UPRT: variants seen among roughly 807,000 people sequenced by gnomAD.
UPRT encodes uracil phosphoribosyltransferase homolog, also known as RP11-311P8.3.
UPRT carries 5 observed loss-of-function variants against 22.6 expected under a neutral mutation model. That is an observed-to-expected ratio of 0.22 (90% CI 0.12 to 0.47). UPRT has a LOEUF of 0.47. Among genes scored for constraint, UPRT ranks in the 20% least tolerant of loss-of-function variants. UPRT has a pLI of 0.99. For missense variants in UPRT, 181 were observed against 239.9 expected, an observed-to-expected ratio of 0.75 and a Z score of 1.62; for synonymous variants, 77 against 87.7, an observed-to-expected ratio of 0.88 and a Z score of 0.68.
In UPRT at chrX:75,203,502, ACACACACACACACT is replaced by A. The variant is rs1305359677; in HGVS notation, c.-447+35637_-447+35650del. Among the ~76,000 whole-genome samples, 397 of 102,977 alleles carry A rather than the reference ACACACACACACACT, an allele frequency of 3.9e-3. 4 individuals carry two copies. The highest frequency in any genetic ancestry group is 0.015 in the African/African-American group (378 of 25,066). 89.4% of individuals were successfully genotyped at this position (102,977 alleles called of 115,157 possible). A position where few individuals can be genotyped will look rare whatever the true frequency, so the allele number is the denominator to read the frequency against. On this transcript the variant is annotated intron_variant, in intron 4 of 13. Transcript: ENST00000652605. The stretch of plus-strand genomic sequence containing the variant: ...TAAAGACACACACACACACACACAC[ACACACACACACACT>A]CACACACACACACACACACACACAC...
At chrX:75,189,605 G>T (rs890701930) in intron 4 of UPRT, among the ~76,000 whole-genome samples, 5 of 111,643 alleles carry the variant, frequency 4.5e-5, no homozygotes, top group Non-Finnish European at 9.4e-5. Flanking sequence ...CGTTATTATT[G>T]TGTGGGAATC....
At chrX:75,244,302 G>T (rs2082497147) in intron 4 of UPRT, among the ~76,000 whole-genome samples, 1 of 111,736 alleles carries the variant, frequency 8.9e-6, no homozygotes, top group Non-Finnish European at 1.9e-5. Context: ...ATTCCTGTAT[G>T]GAAAAATAAT....
chrX:75,239,397 A>C (rs2082480723), intron 4 of UPRT, among the ~76,000 whole-genome samples: 1 of 111,146 alleles, frequency 9.0e-6, no homozygotes, highest in Admixed American at 9.6e-5. Flanking sequence ...CCCCTAAACT[A>C]TGAGGAAATA....
chrX:75,217,992 C>T lies in UPRT; in HGVS notation c.-447+50113C>T, dbSNP rs1365018694. On this transcript the variant is annotated intron_variant, in intron 4 of 13. Transcript: ENST00000652605. ...ATAGGCATGGGCAAGGACTTCATGT[C>T]TAAAACACCAAAAGCAATGGCAACA... 1.3e-4 allele frequency among the ~76,000 whole-genome samples: 14 copies of T among 111,593 alleles called. No individual in the cohort carries two copies. In the South Asian group the frequency reaches 1.9e-3, roughly 15 times the overall value.
chrX:75,184,734 C>T (rs1250583477), intron 4 of UPRT, among the ~76,000 whole-genome samples: 2 of 109,518 alleles, frequency 1.8e-5, no homozygotes, highest in African/African-American at 3.3e-5. Flanking sequence ...TTGAAGAGGT[C>T]CTTCACATCC....
At position 75,180,689 on chromosome X, in the gene UPRT, TTTTTTG is replaced by T. The variant is rs1569259999; in HGVS notation, c.-447+12816_-447+12821del. ...TCTTCCCCCTTTTCTCTGTTTTTTT[TTTTTTG>T]TTTTTTTTTTTTTTTTTTTTTTTTT... On this transcript the variant is annotated intron_variant, in intron 4 of 13. Transcript: ENST00000652605. Among the ~76,000 whole-genome samples the T allele has an allele frequency of 2.8e-4, 22 of 79,550 alleles. 1 individual carries two copies. The highest frequency in any genetic ancestry group is 9.2e-4 in the African/African-American group (20 of 21,677). The allele number at this position is 79,550 out of a possible 115,157, so 69.1% of individuals were successfully genotyped here.
intron 4 of UPRT, among the ~76,000 whole-genome samples, chrX:75,263,217 G>T (rs935967863): frequency 9.0e-6 from 1 of 111,581 alleles, no homozygotes; most frequent in Non-Finnish European, 1.9e-5. Flanking sequence ...TTGGTATCAC[G>T]ATGATGCTGG....
chrX:75,257,420 TG>T (rs1240743920), intron 4 of UPRT, among the ~76,000 whole-genome samples: 1 of 111,364 alleles, frequency 9.0e-6, no homozygotes, highest in Admixed American at 9.6e-5. Flanking sequence ...TAATATTGAA[TG>T]GGGAAAAGTT....
At chrX:75,234,501 C>A (rs1317432228) in intron 4 of UPRT, among the ~76,000 whole-genome samples, 19 of 111,421 alleles carry the variant, frequency 1.7e-4, no homozygotes, top group Non-Finnish European at 3.0e-4. Flanking sequence ...CAGCACCACA[C>A]CACACCTATT....
At chrX:75,253,361 T>C (rs1244849478) in intron 4 of UPRT, among the ~76,000 whole-genome samples, 1 of 112,080 alleles carries the variant, frequency 8.9e-6, no homozygotes, top group Non-Finnish European at 1.9e-5. Context: ...CACAATGAGA[T>C]AGCATCTCCA....
chrX:75,192,709 C>A lies in UPRT; in HGVS notation c.-447+24830C>A, dbSNP rs762526253. The stretch of plus-strand genomic sequence containing the variant: ...TCATTGAATTGAACTCTTCACCATT[C>A]TGTAATACCCTTCCTTGTCTTTTTT... On this transcript the variant is annotated intron_variant, in intron 4 of 13. Transcript: ENST00000652605. 2.7e-5 allele frequency among the ~76,000 whole-genome samples: 3 copies of A among 112,091 alleles called. No individual in the cohort carries two copies. In the South Asian group the frequency reaches 1.1e-3, roughly 41 times the overall value.
intron 4 of UPRT, among the ~76,000 whole-genome samples, chrX:75,182,996 CCTT>C (rs1056694768): frequency 2.7e-5 from 3 of 110,044 alleles, no homozygotes; most frequent in African/African-American, 9.9e-5. Context: ...CTATAACCTT[CCTT>C]CTTTTTTATT....
chrX:75,292,471 T>C (rs2082711838), intron 1 of UPRT, among the ~76,000 whole-genome samples: 1 of 111,972 alleles, frequency 8.9e-6, no homozygotes, highest in African/African-American at 3.2e-5. Flanking sequence ...TTAAGAAACC[T>C]AATGCCATTT....
chrX:75,187,615 T>G, intron 4 of UPRT, among the ~76,000 whole-genome samples: 1 of 112,252 alleles, frequency 8.9e-6, no homozygotes, highest in African/African-American at 3.2e-5. Flanking sequence ...TCCTTCAGAG[T>G]GTTTTCCAAC....
chrX:75,184,988 T>C (rs1476938695), intron 4 of UPRT, among the ~76,000 whole-genome samples: 1 of 111,358 alleles, frequency 9.0e-6, no homozygotes, highest in Non-Finnish European at 1.9e-5. Context: ...TGAGTTCCTC[T>C]TTTCCTAATT....
chrX:75,177,975 G>A (rs941667782), intron 4 of UPRT, among the ~76,000 whole-genome samples: 2 of 112,479 alleles, frequency 1.8e-5, no homozygotes, highest in African/African-American at 6.5e-5. Flanking sequence ...GAGGGCAAAG[G>A]TCAGGATAGA....
intron 4 of UPRT, among the ~76,000 whole-genome samples, chrX:75,235,938 T>A (rs1301132487): frequency 9.0e-6 from 1 of 111,207 alleles, no homozygotes; most frequent in African/African-American, 3.3e-5. Context: ...GTGTTGGAAG[T>A]TCTGGCCAGG....
At chrX:75,303,125 G>A (rs1051425463) in intron 6 of UPRT, among the ~76,000 whole-genome samples, 2 of 111,163 alleles carry the variant, frequency 1.8e-5, no homozygotes, top group Admixed American at 1.9e-4. Flanking sequence ...CTCTTTAGGG[G>A]GAAAGTTTCT....
intron 4 of UPRT, among the ~76,000 whole-genome samples, chrX:75,177,442 G>A (rs1346118872): frequency 9.0e-6 from 1 of 111,191 alleles, no homozygotes; most frequent in African/African-American, 3.3e-5. Flanking sequence ...AAGGAGGACC[G>A]ACCGAGAAAA....
Sources: gnomAD v4.1 joint callset for allele counts (sites outside exome capture counted in the v4.1 genomes callset) on GRCh38, gnomAD v4.1.1 for gene constraint, MANE v1.5 for transcripts, NCBI Gene and HGNC (gene_info 2026-07-23, HGNC 2026-07-21) for gene names.